ROBO1: variants seen among roughly 807,000 people sequenced by gnomAD.
ROBO1 encodes the protein roundabout guidance receptor 1, also known as roundabout homolog 1.
Under a neutral mutation model 195.9 loss-of-function variants are expected in ROBO1, and 149 were observed. The ratio of observed to expected loss-of-function variants is 0.76; its 90% confidence interval spans 0.67 to 0.87. ROBO1 has a LOEUF of 0.87. Ranked by LOEUF, ROBO1 falls within the 40% of genes least tolerant of loss-of-function variation. The pLI, the probability that ROBO1 is intolerant of heterozygous loss-of-function variation, is 0.00. For synonymous variants in ROBO1, 816 were observed against 733.2 expected (o/e 1.11, Z -1.82); for missense variants, 1,933 against 2,068.3 (o/e 0.93, Z 1.27).
intron 4 of ROBO1, among the ~76,000 whole-genome samples, chr3:78,849,831 T>TACACACACACACAC (rs576994363): frequency 2.5e-4 from 20 of 79,622 alleles, no homozygotes; most frequent in African/African-American, 6.9e-4. Flanking sequence ...TCTCTCCCAT[T>TACACACACACACAC]ACACACACAC....
chr3:79,171,765 A>T lies in ROBO1; in HGVS notation c.89-46226T>A, dbSNP rs139935154. ...AAATACCTTCATAGGGTGGTTATGG[A>T]TACAAAAGTCAGGAAAAATTAACAA... On this transcript the variant is annotated intron_variant, in intron 2 of 30. Transcript: ENST00000464233. 3.2e-4 allele frequency among the ~76,000 whole-genome samples: 49 copies of T among 152,246 alleles called. 2 individuals are homozygous for T. In the East Asian group the frequency reaches 9.2e-3, roughly 29 times the overall value.
chr3:79,067,660 C>A (rs536121595), intron 3 of ROBO1, among the ~76,000 whole-genome samples: 1 of 151,918 alleles, frequency 6.6e-6, no homozygotes, highest in South Asian at 2.1e-4. Flanking sequence ...AAAATAAATC[C>A]TCTAAAGACT....
At chr3:79,199,279 T>A (rs780144922) in intron 2 of ROBO1, among the ~76,000 whole-genome samples, 1 of 151,808 alleles carries the variant, frequency 6.6e-6, no homozygotes, top group Non-Finnish European at 1.5e-5. Flanking sequence ...TGCTCAAATA[T>A]AGGAAATTTA....
intron 2 of ROBO1, among the ~76,000 whole-genome samples, chr3:79,297,662 G>A (rs1208118720): frequency 3.3e-5 from 5 of 152,178 alleles, no homozygotes; most frequent in South Asian, 2.1e-4. Context: ...TGGATGCTTC[G>A]TGTAAACAAA....
Position 78,889,083 on chromosome 3 carries a change from T to C in ROBO1, c.499+49518A>G, listed in dbSNP as rs146259159. ...TTCAAAGAACATGATCTTACCTTCA[T>C]AGATGCTGCAATTTCAAGAGTGAAA... On this transcript the variant is annotated intron_variant, in intron 4 of 30. Transcript: ENST00000464233. Among the ~76,000 whole-genome samples the C allele has an allele frequency of 4.6e-5, 7 of 152,300 alleles. No homozygotes were observed. In the East Asian group the frequency reaches 9.7e-4, roughly 21 times the overall value.
At chr3:78,776,344 C>T (rs1056603591) in intron 4 of ROBO1, among the ~76,000 whole-genome samples, 10 of 152,230 alleles carry the variant, frequency 6.6e-5, no homozygotes, top group Non-Finnish European at 1.0e-4. Flanking sequence ...CTCCACCTCC[C>T]GGGTTCAAGT....
At position 79,421,314 on chromosome 3, in the gene ROBO1, C is replaced by A. The variant is rs553315509; in HGVS notation, c.88+168510G>T. Among the ~76,000 whole-genome samples the A allele has an allele frequency of 3.9e-5, 6 of 152,008 alleles. No individual in the cohort carries two copies. In the South Asian group the frequency reaches 1.2e-3, roughly 31 times the overall value. ...GTAATAAAATAATCTGTATAATAAACCCCCATGACACACAACTTATCTATA... is the reference window on the plus strand; with the variant it reads ...GTAATAAAATAATCTGTATAATAAAACCCCATGACACACAACTTATCTATA... On this transcript the variant is annotated intron_variant, in intron 2 of 30. Transcript: ENST00000464233.
At chr3:78,967,033 G>A (rs562082211) in intron 3 of ROBO1, among the ~76,000 whole-genome samples, 7 of 152,244 alleles carry the variant, frequency 4.6e-5, no homozygotes, top group Non-Finnish European at 7.4e-5. Flanking sequence ...CAAATGTAAC[G>A]TACCTAGCAG....
intron 3 of ROBO1, among the ~76,000 whole-genome samples, chr3:79,092,370 A>T (rs1240692483): frequency 6.6e-6 from 1 of 152,080 alleles, no homozygotes; most frequent in Non-Finnish European, 1.5e-5. Context: ...GAGAAGCCTT[A>T]GATGTCTAAA....
At chr3:79,116,681 C>T (rs1418765699) in intron 3 of ROBO1, among the ~76,000 whole-genome samples, 4 of 151,868 alleles carry the variant, frequency 2.6e-5, no homozygotes, top group Non-Finnish European at 4.4e-5. Context: ...CCACGCCCAG[C>T]TAATTTTTGT....
At chr3:79,719,837 T>A (rs1400279400) in intron 1 of ROBO1, among the ~76,000 whole-genome samples, 1 of 152,192 alleles carries the variant, frequency 6.6e-6, no homozygotes, top group Non-Finnish European at 1.5e-5. Flanking sequence ...GAATTTGGTA[T>A]GAGCTTTTCA....
chr3:79,737,926 C>T (rs2107399126), intron 1 of ROBO1, among the ~76,000 whole-genome samples: 1 of 152,268 alleles, frequency 6.6e-6, no homozygotes, highest in African/African-American at 2.4e-5. Flanking sequence ...CCTATCTTCA[C>T]ATCTTATTCC....
intron 2 of ROBO1, among the ~76,000 whole-genome samples, chr3:79,495,189 T>C (rs559030715): frequency 6.6e-6 from 1 of 152,138 alleles, no homozygotes; most frequent in African/African-American, 2.4e-5. Flanking sequence ...TAATAAATAA[T>C]CATATGGTAA....
intron 8 of ROBO1, among the ~76,000 whole-genome samples, chr3:78,711,313 TTCTC>T (rs1278295968): frequency 1.6e-4 from 22 of 141,542 alleles, no homozygotes; most frequent in African/African-American, 2.9e-4. Context: ...CTTTCTTTCT[TTCTC>T]TCTCTCTCTC....
At chr3:78,847,375 T>C (rs1383987397) in intron 4 of ROBO1, among the ~76,000 whole-genome samples, 3 of 152,136 alleles carry the variant, frequency 2.0e-5, no homozygotes, top group Admixed American at 1.3e-4. Flanking sequence ...TTTTAACAGC[T>C]ATACTGCAGA....
rs2037203971 is a variant in ROBO1 at position 79,397,657 on chromosome 3, T to C, written c.88+192167A>G. Among the ~76,000 whole-genome samples the C allele has an allele frequency of 2.0e-5, 3 of 152,140 alleles. No homozygotes were observed. The South Asian group carries it at 6.2e-4, about 31-fold the overall frequency. ...AATTAACTACAACCTATGCAACCGA[T>C]AAGCCTGGGATATAGTACACTTGAC... On this transcript the variant is annotated intron_variant, in intron 2 of 30. Coordinates refer to ENST00000464233, the MANE Select transcript of ROBO1 (RefSeq NM_002941.4).
At chr3:79,325,012 A>G (rs1177213334) in intron 2 of ROBO1, among the ~76,000 whole-genome samples, 1 of 152,186 alleles carries the variant, frequency 6.6e-6, no homozygotes, top group Non-Finnish European at 1.5e-5. Flanking sequence ...AGGATTGAGA[A>G]CCATTTTAGA....
intron 5 of ROBO1, among the ~76,000 whole-genome samples, chr3:78,729,357 T>C (rs185718512): frequency 4.9e-4 from 75 of 152,342 alleles, no homozygotes; most frequent in Admixed American, 7.8e-4. Context: ...CCAATGTATA[T>C]CACCAGAGAT....
intron 2 of ROBO1, among the ~76,000 whole-genome samples, chr3:79,449,480 A>G (rs575910274): frequency 1.4e-5 from 2 of 144,728 alleles, no homozygotes; most frequent in Non-Finnish European, 3.0e-5. Flanking sequence ...ATTTATAGAT[A>G]TGTTCTGATG....
Sources: gnomAD v4.1 joint callset for allele counts (sites outside exome capture counted in the v4.1 genomes callset) on GRCh38, gnomAD v4.1.1 for gene constraint, MANE v1.5 for transcripts, NCBI Gene and HGNC (gene_info 2026-07-23, HGNC 2026-07-21) for gene names.